Variants in MYOM1 observed in about 807,000 individuals in gnomAD.
MYOM1 encodes the protein myomesin-1.
In MYOM1, 164 loss-of-function variants were observed where a neutral mutation model predicts 205.3. That is an observed-to-expected ratio of 0.80 (90% confidence interval 0.70 to 0.91). MYOM1 has a LOEUF of 0.91. Ranked by LOEUF, MYOM1 falls within the 40% of genes least tolerant of loss-of-function variation. The probability of loss-of-function intolerance (pLI) is 0.00; values close to 1 mark genes in which losing one functional copy is unlikely to be tolerated. For synonymous variants in MYOM1, 772 were observed against 789.4 expected, an observed-to-expected ratio of 0.98 and a Z score of 0.37; for missense variants, 2,011 against 2,127.3, an observed-to-expected ratio of 0.95 and a Z score of 1.08.
At chr18:3,079,527 C>T (rs1252752471) in intron 33 of MYOM1, among the ~76,000 whole-genome samples, 185 bp from the exon 34 acceptor site, 1 of 151,842 alleles carries the variant, frequency 6.6e-6, no homozygotes, top group Non-Finnish European at 1.5e-5. Flanking sequence ...GATTCCAGGG[C>T]CCAAGGTGTG....
intron 2 of MYOM1, among the ~76,000 whole-genome samples, chr18:3,206,926 AT>A (rs890832794): frequency 1.5e-4 from 23 of 151,662 alleles, no homozygotes; most frequent in Non-Finnish European, 2.4e-4. Flanking sequence ...TTGGATTTTA[AT>A]TTTTTTTGCA....
intron 37 of MYOM1, among the ~76,000 whole-genome samples, chr18:3,067,909 T>C (rs1598640060): frequency 6.6e-6 from 1 of 152,226 alleles, no homozygotes; most frequent in Admixed American, 6.5e-5. Context: ...TTTTGGGTTC[T>C]GTCTCGGTAC....
chr18:3,066,983 A>G lies in MYOM1; in HGVS notation c.*279T>C, dbSNP rs1251291945. The G allele has an allele frequency of 5.0e-6, 2 of 399,650 alleles. No homozygotes were observed. Among genetic ancestry groups the G allele is most frequent in the East Asian group, 9.7e-5 (2 of 20,634 alleles). The allele number at this position is 399,650 out of a possible 1,614,324, so 24.8% of individuals were successfully genotyped here. On this transcript the variant is annotated 3_prime_UTR_variant, in exon 38 of 38. Coordinates refer to ENST00000356443, the MANE Select transcript of MYOM1 (RefSeq NM_003803.4). ...CACATTCGTCTGCCCTCTGACCATC[A>G]TTCAATGTCCCTCCAACTTCATTCA...
At chr18:3,224,028 ATT>A (rs550455569), upstream of MYOM1, among the ~76,000 whole-genome samples, 1,082 of 138,566 alleles carry the variant, frequency 7.8e-3, 8 homozygotes, top group African/African-American at 0.027. Context: ...CTAACATTAG[ATT>A]TTTTTTTTTT....
At chr18:3,076,782 C>T (rs1458209899) in intron 34 of MYOM1, among the ~76,000 whole-genome samples, 1 of 145,656 alleles carries the variant, frequency 6.9e-6, no homozygotes, top group Non-Finnish European at 1.5e-5. Context: ...GGCGAGATCT[C>T]GGCTCACTGC....
the MYOM1 span, among the ~76,000 whole-genome samples, chr18:3,234,903 C>T: frequency 1.3e-5 from 2 of 151,600 alleles, no homozygotes; most frequent in South Asian, 4.2e-4. Context: ...TTTCAGAAAA[C>T]TCTGTCATTA....
At chr18:3,117,721 T>G (rs1330691606) in intron 20 of MYOM1, among the ~76,000 whole-genome samples, 1 of 152,076 alleles carries the variant, frequency 6.6e-6, no homozygotes, top group Non-Finnish European at 1.5e-5. Context: ...CTGAAGTGAC[T>G]CACAGTAGCC....
At chr18:3,149,560 G>A (rs577601087) in intron 12 of MYOM1, among the ~76,000 whole-genome samples, 14 of 152,180 alleles carry the variant, frequency 9.2e-5, no homozygotes, top group Non-Finnish European at 1.8e-4. Context: ...ATGCGTTTGG[G>A]AGAAACATTT....
intron 33 of MYOM1, among the ~76,000 whole-genome samples, chr18:3,083,114 G>T (rs1237846811): frequency 6.6e-6 from 1 of 152,200 alleles, no homozygotes; most frequent in Admixed American, 6.5e-5. Context: ...AGCAGAGAGA[G>T]CCCAAGCATG....
intron 1 of MYOM1, chr18:3,216,970 C>A (rs2081275852): frequency 6.6e-6 from 1 of 152,134 alleles, no homozygotes. Context: ...GGCCGTAATT[C>A]TATATGATGG....
intron 2 of MYOM1, among the ~76,000 whole-genome samples, chr18:3,210,245 C>A (rs943609260): frequency 3.9e-5 from 6 of 152,214 alleles, no homozygotes; most frequent in Admixed American, 6.5e-5. Context: ...TCTCTGCACT[C>A]TCTGCTGTGT....
At chr18:3,242,544 T>C in the MYOM1 span, among the ~76,000 whole-genome samples, 2 of 152,224 alleles carry the variant, frequency 1.3e-5, no homozygotes, top group Non-Finnish European at 2.9e-5. Flanking sequence ...AGTCTTGCTC[T>C]GTAGCCCAGG....
At chr18:3,085,543 C>T (rs1029256321) in intron 30 of MYOM1, among the ~76,000 whole-genome samples, 1 of 152,052 alleles carries the variant, frequency 6.6e-6, no homozygotes, top group South Asian at 2.1e-4. Context: ...ATTTGACCAG[C>T]GAGCTAGCAG....
chr18:3,127,385 T>C (rs1037897736), intron 18 of MYOM1, among the ~76,000 whole-genome samples: 1 of 145,660 alleles, frequency 6.9e-6, no homozygotes, highest in Admixed American at 7.1e-5. Flanking sequence ...CTTGGCTCAA[T>C]GCAACTTCCG....
At chr18:3,187,670 C>A in intron 4 of MYOM1, 33 bp from the exon 5 acceptor site, 1 of 1,523,908 alleles carries the variant, frequency 6.6e-7, no homozygotes, top group Non-Finnish European at 8.9e-7. Flanking sequence ...AAACATATTA[C>A]CAAAATACCA....
rs202240743 is a variant in MYOM1, at chr18:3,176,192, A to AAC, written c.930-60_930-59dup. ...TGAAGTGTAAACAACTTCATGATTA[A>AAC]ACACACACACAATTCTTGTTCTTGC... On this transcript the variant is annotated intron_variant, in intron 5 of 37. Transcript: ENST00000356443. 14,178 of 957,826 alleles carry AAC rather than the reference A, an allele frequency of 0.015. 167 individuals are homozygous for AAC. Among genetic ancestry groups the AAC allele is most frequent in the Middle Eastern group, 0.018 (73 of 4,140 alleles). The allele number at this position is 957,826 out of a possible 1,614,324, so 59.3% of individuals were successfully genotyped here. A position where few individuals can be genotyped will look rare whatever the true frequency, so the allele number is the denominator to read the frequency against.
rs2080702793 is a variant in MYOM1 at position 3,179,799 on chromosome 18, T to G, written c.930-3665A>C. 6.6e-6 allele frequency among the ~76,000 whole-genome samples: 1 copy of G among 152,156 alleles called. No homozygotes were observed. The highest frequency in any genetic ancestry group is 1.5e-5 in the Non-Finnish European group (1 of 68,022). On this transcript the variant is annotated intron_variant, in intron 5 of 37. Transcript: ENST00000356443. This position sits in a 1 kb window ranked among gnomAD's most constrained non-coding sequence, Gnocchi z 4.4. ...GGCATGCTCTTCTTCTATAATTGGT[T>G]TAGGTAATTTCACACTGGACTCAAG...
At chr18:3,150,893 C>A (rs1415389161) in intron 12 of MYOM1, among the ~76,000 whole-genome samples, 1 of 151,222 alleles carries the variant, frequency 6.6e-6, no homozygotes, top group Non-Finnish European at 1.5e-5. Context: ...CAGCTCACTG[C>A]AGCCTTGACC....
At chr18:3,111,577 A>G (rs912012820) in intron 22 of MYOM1, among the ~76,000 whole-genome samples, 3 of 152,174 alleles carry the variant, frequency 2.0e-5, no homozygotes, top group Non-Finnish European at 2.9e-5. Context: ...AATGGTTTTT[A>G]TATTTTTAAA....
Sources: gnomAD v4.1 joint callset for allele counts (sites outside exome capture counted in the v4.1 genomes callset) on GRCh38, gnomAD v4.1.1 for gene constraint, Gnocchi (gnomAD v3.1) non-coding constraint, MANE v1.5 for transcripts, NCBI Gene and HGNC (gene_info 2026-07-23, HGNC 2026-07-21) for gene names.